Variants in TBC1D5 observed in about 807,000 individuals in gnomAD.
TBC1D5 encodes the protein TBC1 domain family member 5.
Under a neutral mutation model 100.3 loss-of-function variants are expected in TBC1D5, and 75 were observed. That is an observed-to-expected ratio of 0.75 (90% confidence interval 0.62 to 0.91). The LOEUF (loss-of-function observed/expected upper bound fraction) is 0.91. Among genes scored for constraint, TBC1D5 ranks in the 40% least tolerant of loss-of-function variants. The probability of loss-of-function intolerance (pLI) is 0.00; values close to 1 mark genes in which losing one functional copy is unlikely to be tolerated. For synonymous variants in TBC1D5, 323 were observed against 325.6 expected, an observed-to-expected ratio of 0.99 and a Z score of 0.09; for missense variants, 910 against 942.4, an observed-to-expected ratio of 0.97 and a Z score of 0.45.
At chr3:17,394,238 T>G (rs2093437598) in intron 8 of TBC1D5, among the ~76,000 whole-genome samples, 1 of 152,168 alleles carries the variant, frequency 6.6e-6, no homozygotes, top group African/African-American at 2.4e-5. Context: ...TTTGAGATAC[T>G]GATTCATTTA....
chr3:17,516,683 A>T (rs1414442368), intron 2 of TBC1D5, among the ~76,000 whole-genome samples: 1 of 152,224 alleles, frequency 6.6e-6, no homozygotes, highest in African/African-American at 2.4e-5. Flanking sequence ...CCCCCATAAT[A>T]TGCAGATATT....
rs371998740 is a variant in TBC1D5, at chr3:17,598,592, C to G, written c.-36+25257G>C. ...TCCAATACACACTGTAATCCATTTT[C>G]TTCAAACTGCAAAAAGAAAAACTCA... is the stretch of plus-strand genomic sequence containing the variant. On this transcript the variant is annotated intron_variant, in intron 2 of 21. Coordinates refer to ENST00000253692, the Ensembl canonical transcript of TBC1D5. Among the ~76,000 whole-genome samples the G allele has an allele frequency of 3.1e-3, 479 of 152,218 alleles. 4 individuals carry two copies. Among genetic ancestry groups the G allele is most frequent in the African/African-American group, 0.011 (437 of 41,530 alleles).
At chr3:17,407,662 C>G (rs1289478031) in intron 4 of TBC1D5, among the ~76,000 whole-genome samples, 2 of 152,100 alleles carry the variant, frequency 1.3e-5, no homozygotes, top group African/African-American at 4.8e-5. Context: ...GGACAAAATG[C>G]ATCTTCTCCA....
exon 17 of TBC1D5, chr3:17,238,168 T>C (rs1178418571): frequency 6.2e-7 from 1 of 1,612,754 alleles, no homozygotes; most frequent in South Asian, 1.1e-5. Flanking sequence ...CCTACCTTTG[T>C]TCAATTGCAC....
intron 2 of TBC1D5, among the ~76,000 whole-genome samples, chr3:17,593,984 CCCTAGTG>C (rs2060404169): frequency 6.6e-6 from 1 of 152,146 alleles, no homozygotes; most frequent in Admixed American, 6.5e-5. Flanking sequence ...CACCAATCAC[CCCTAGTG>C]ATCCACTAGC....
intron 1 of TBC1D5, among the ~76,000 whole-genome samples, chr3:17,705,581 G>A (rs1281419687): frequency 4.4e-5 from 6 of 135,948 alleles, no homozygotes; most frequent in East Asian, 2.4e-4. Context: ...GGTCTCGGCC[G>A]GGCAGAGGCG....
At chr3:17,446,632 C>T (rs6772394) in intron 3 of TBC1D5, among the ~76,000 whole-genome samples, 59,931 of 152,078 alleles carry the variant, frequency 0.39, 12,475 homozygotes, top group Middle Eastern at 0.47. Context: ...GTATCGATAA[C>T]TAAAGCTTAG....
chr3:17,451,784 G>A (rs529668102), intron 3 of TBC1D5, among the ~76,000 whole-genome samples: 8 of 152,238 alleles, frequency 5.3e-5, no homozygotes, highest in South Asian at 4.2e-4. Context: ...TTAGCCGGGC[G>A]TGGTGGTGGG....
chr3:17,451,081 TC>T (rs1347044929), intron 3 of TBC1D5, among the ~76,000 whole-genome samples: 1 of 152,128 alleles, frequency 6.6e-6, no homozygotes, highest in East Asian at 1.9e-4. Context: ...ATATTCAACA[TC>T]CTTAAAGAAA....
chr3:17,586,903 G>A (rs2096736411), intron 2 of TBC1D5, among the ~76,000 whole-genome samples: 1 of 151,642 alleles, frequency 6.6e-6, no homozygotes, highest in Admixed American at 6.6e-5. Flanking sequence ...GTTGAAATGA[G>A]GAACATACTA....
intron 19 of TBC1D5, among the ~76,000 whole-genome samples, chr3:17,169,996 C>G (rs999941574): frequency 6.6e-5 from 10 of 152,222 alleles, no homozygotes; most frequent in African/African-American, 2.4e-4. Context: ...TGCCTCTGAT[C>G]TGACAGGAGG....
chr3:17,691,091 T>C (rs1333501203), intron 1 of TBC1D5, among the ~76,000 whole-genome samples: 1 of 152,208 alleles, frequency 6.6e-6, no homozygotes, highest in Non-Finnish European at 1.5e-5. Context: ...AAACTGAGCT[T>C]ACATTTTGAT....
At chr3:17,554,582 A>G (rs1250476945) in intron 2 of TBC1D5, among the ~76,000 whole-genome samples, 1 of 152,240 alleles carries the variant, frequency 6.6e-6, no homozygotes, top group Non-Finnish European at 1.5e-5. Flanking sequence ...AACATGTTCT[A>G]GAAAACCAAC....
At chr3:17,636,210 G>A (rs1398964874) in intron 1 of TBC1D5, among the ~76,000 whole-genome samples, 2 of 151,942 alleles carry the variant, frequency 1.3e-5, no homozygotes, top group Admixed American at 1.3e-4. Context: ...ATGTTTTTCA[G>A]ATGGGAAAAA....
intron 3 of TBC1D5, among the ~76,000 whole-genome samples, chr3:17,489,833 G>A (rs149323923): frequency 2.0e-4 from 31 of 152,218 alleles, no homozygotes; most frequent in African/African-American, 5.3e-4. Flanking sequence ...TGCATGTATC[G>A]TTGTAATAGA....
At chr3:17,527,138 A>G (rs1171528221) in intron 2 of TBC1D5, among the ~76,000 whole-genome samples, 4 of 152,224 alleles carry the variant, frequency 2.6e-5, no homozygotes, top group Non-Finnish European at 4.4e-5. Flanking sequence ...AGTAGCAACA[A>G]CACATGATAT....
rs541748178 is a variant in TBC1D5, at chr3:17,197,909, C to T, written c.1753-12701G>A. Among the ~76,000 whole-genome samples the T allele has an allele frequency of 1.0e-3, 156 of 152,090 alleles. 1 individual carries two copies. Among genetic ancestry groups the T allele is most frequent in the African/African-American group, 3.5e-3 (147 of 41,490 alleles). On this transcript the variant is annotated intron_variant, in intron 18 of 21. Coordinates refer to ENST00000253692, the Ensembl canonical transcript of TBC1D5. ...AAAATTAGCTGGACATGGTGGCTCG[C>T]GCCTGTAGTCCCAGCTACTTGGGAG...
intron 15 of TBC1D5, among the ~76,000 whole-genome samples, chr3:17,282,590 T>G (rs2080727701): frequency 6.6e-6 from 1 of 152,212 alleles, no homozygotes; most frequent in Non-Finnish European, 1.5e-5. Flanking sequence ...GAACCTTGTC[T>G]TCTAAAACAT....
At chr3:17,676,392 C>A (rs1053655588) in intron 1 of TBC1D5, among the ~76,000 whole-genome samples, 2 of 152,086 alleles carry the variant, frequency 1.3e-5, no homozygotes, top group African/African-American at 2.4e-5. Context: ...GAGTGAACTC[C>A]CATTCACAAT....
Sources: gnomAD v4.1 joint callset for allele counts (sites outside exome capture counted in the v4.1 genomes callset) on GRCh38, gnomAD v4.1.1 for gene constraint, MANE v1.5 for transcripts, NCBI Gene and HGNC (gene_info 2026-07-23, HGNC 2026-07-21) for gene names.